The following DLG2 variants were observed in gnomAD, a reference collection of about 807,000 sequenced individuals.
DLG2 encodes the protein disks large homolog 2.
In DLG2, 45 loss-of-function variants were observed where a neutral mutation model predicts 132.5. The ratio of observed to expected loss-of-function variants is 0.34; its 90% confidence interval spans 0.27 to 0.44. The LOEUF is 0.44. Among genes scored for constraint, DLG2 ranks in the 20% least tolerant of loss-of-function variants. DLG2 has a pLI of 1.00. For synonymous variants in DLG2, 424 were observed against 419.6 expected, an observed-to-expected ratio of 1.01 and a Z score of -0.13; for missense variants, 1,045 against 1,196.9, an observed-to-expected ratio of 0.87 and a Z score of 1.87.
intron 19 of DLG2, among the ~76,000 whole-genome samples, chr11:83,574,263 AC>A (rs2096841803): frequency 6.6e-6 from 1 of 152,098 alleles, no homozygotes; most frequent in Admixed American, 6.6e-5. Context: ...ATCAGCATGT[AC>A]TGATTTTAAA....
At chr11:85,106,935 A>C (rs577763747) in intron 6 of DLG2, among the ~76,000 whole-genome samples, 5 of 152,202 alleles carry the variant, frequency 3.3e-5, no homozygotes, top group Non-Finnish European at 7.4e-5. Flanking sequence ...CCATTATTAA[A>C]TAATGTGTTG....
chr11:85,129,208 G>A (rs1296257160), intron 5 of DLG2, among the ~76,000 whole-genome samples: 8 of 152,142 alleles, frequency 5.3e-5, no homozygotes, highest in African/African-American at 1.9e-4. Flanking sequence ...TCTGAAAGTG[G>A]GTTGCCTGAG....
intron 18 of DLG2, among the ~76,000 whole-genome samples, chr11:83,654,311 G>T (rs1181800578): frequency 1.3e-5 from 2 of 152,134 alleles, no homozygotes; most frequent in Non-Finnish European, 2.9e-5. Context: ...AGGCCAATTT[G>T]ATCTGCCCTC....
chr11:83,682,039 ATT>A, intron 18 of DLG2: 2 of 696,752 alleles, frequency 2.9e-6, no homozygotes, highest in Non-Finnish European at 3.5e-6. Flanking sequence ...AAATTGTGGA[ATT>A]TGTCAGGAGC....
chr11:83,511,087 G>GACACACACAGAC (rs2094999367), intron 21 of DLG2, among the ~76,000 whole-genome samples: 10 of 138,552 alleles, frequency 7.2e-5, no homozygotes, highest in Non-Finnish European at 1.5e-4. Context: ...CACACACACA[G>GACACACACAGAC]ACACACACAC....
At chr11:83,824,836 G>T (rs1024947389) in intron 17 of DLG2, among the ~76,000 whole-genome samples, 2 of 152,044 alleles carry the variant, frequency 1.3e-5, no homozygotes, top group Non-Finnish European at 2.9e-5. Context: ...TAGTGATATT[G>T]TGAGTCAGGT....
chr11:84,227,691 G>A (rs2097022813), intron 8 of DLG2, among the ~76,000 whole-genome samples: 1 of 152,222 alleles, frequency 6.6e-6, no homozygotes, highest in Non-Finnish European at 1.5e-5. Context: ...GGAGGCCAAT[G>A]TAGGCGGATC....
chr11:84,550,937 T>C (rs1251411982), intron 6 of DLG2, among the ~76,000 whole-genome samples: 1 of 152,186 alleles, frequency 6.6e-6, no homozygotes, highest in African/African-American at 2.4e-5. Flanking sequence ...AAGAAGCAGT[T>C]ATGAACAGCT....
chr11:84,761,199 G>T (rs1334277396), intron 6 of DLG2, among the ~76,000 whole-genome samples: 1 of 152,190 alleles, frequency 6.6e-6, no homozygotes, highest in Non-Finnish European at 1.5e-5. Flanking sequence ...TGGCTAATCA[G>T]ATTCTCTTTC....
chr11:85,499,211 A>G (rs1165124880), intron 3 of DLG2, among the ~76,000 whole-genome samples: 2 of 152,180 alleles, frequency 1.3e-5, no homozygotes, highest in Admixed American at 6.6e-5. Context: ...AAACTAATAA[A>G]GAAGGAAAGA....
chr11:83,505,515 G>T (rs772977409), intron 21 of DLG2, among the ~76,000 whole-genome samples: 1 of 152,222 alleles, frequency 6.6e-6, no homozygotes, highest in African/African-American at 2.4e-5. Flanking sequence ...TCACCCATTG[G>T]TGAGGACTCA....
chr11:85,216,729 C>A (rs1174178004), intron 4 of DLG2, among the ~76,000 whole-genome samples: 7 of 151,912 alleles, frequency 4.6e-5, no homozygotes, highest in Non-Finnish European at 8.8e-5. Context: ...CAGAGTCTCA[C>A]TCTGTCACCC....
At chr11:83,786,412 C>T (rs1594342877) in intron 18 of DLG2, 1 of 369,156 alleles carries the variant, frequency 2.7e-6, no homozygotes, top group Non-Finnish European at 5.1e-6. Flanking sequence ...AAAGTGTGTA[C>T]CACATAAGAA....
chr11:84,266,139 T>C (rs910061389), intron 7 of DLG2, among the ~76,000 whole-genome samples: 1 of 152,182 alleles, frequency 6.6e-6, no homozygotes, highest in African/African-American at 2.4e-5. Context: ...TGAGCAATAC[T>C]GGAATACAAA....
intron 7 of DLG2, among the ~76,000 whole-genome samples, chr11:84,256,419 A>T (rs1265007852): frequency 2.0e-5 from 3 of 152,132 alleles, no homozygotes; most frequent in African/African-American, 7.2e-5. Flanking sequence ...ATCAGTGGGA[A>T]GGTCAAAAGA....
At chr11:85,384,117 G>A (rs2086128494) in intron 3 of DLG2, among the ~76,000 whole-genome samples, 2 of 152,032 alleles carry the variant, frequency 1.3e-5, no homozygotes, top group African/African-American at 4.8e-5. Context: ...CTACTGAACA[G>A]CAGGTCTTAT....
chr11:84,577,021 C>G (rs1157267833), intron 6 of DLG2, among the ~76,000 whole-genome samples: 4 of 152,088 alleles, frequency 2.6e-5, no homozygotes, highest in Admixed American at 2.0e-4. Flanking sequence ...CCATGCTATT[C>G]TGTGATAGTG....
intron 6 of DLG2, among the ~76,000 whole-genome samples, chr11:84,714,591 CTCTTTCTTTCTCTTTCTCTTTCTCTT>C (rs1565749223): frequency 7.9e-5 from 9 of 113,668 alleles, no homozygotes; most frequent in African/African-American, 2.5e-4. Flanking sequence ...CTTTCTCTTT[CTCTTTCTTTCTCTTTCTCTTTCTCTT>C]TCTCTTTCTC....
At chr11:84,161,057 A>G (rs574074563) in intron 9 of DLG2, among the ~76,000 whole-genome samples, 2 of 152,324 alleles carry the variant, frequency 1.3e-5, no homozygotes, top group South Asian at 4.1e-4. Context: ...CTTAAAATCA[A>G]TGGTTAAATA....
Sources: gnomAD v4.1 joint callset for allele counts (sites outside exome capture counted in the v4.1 genomes callset) on GRCh38, gnomAD v4.1.1 for gene constraint, MANE v1.5 for transcripts, NCBI Gene and HGNC (gene_info 2026-07-23, HGNC 2026-07-21) for gene names.